Variants in BACH2 observed in about 807,000 individuals in gnomAD.
BACH2 encodes the protein BACH transcriptional regulator 2.
Under a neutral mutation model 61.8 loss-of-function variants are expected in BACH2, and 5 were observed. That is an observed-to-expected ratio of 0.08 (90% CI 0.04 to 0.17). The LOEUF (loss-of-function observed/expected upper bound fraction) is 0.17. BACH2 is among the 10% of genes least tolerant of loss of function. The pLI, the probability that BACH2 is intolerant of heterozygous loss-of-function variation, is 1.00. For synonymous variants in BACH2, 446 were observed against 440.1 expected, an observed-to-expected ratio of 1.01 and a Z score of -0.17; for missense variants, 824 against 1,091.1, an observed-to-expected ratio of 0.76 and a Z score of 3.45.
chr6:89,979,339 G>T (rs1775829300), intron 6 of BACH2, among the ~76,000 whole-genome samples: 1 of 152,108 alleles, frequency 6.6e-6, no homozygotes, highest in Admixed American at 6.5e-5. Flanking sequence ...TATTGTGTTG[G>T]CCTGGATATA....
At chr6:90,192,483 G>T (rs558006104) in intron 4 of BACH2, among the ~76,000 whole-genome samples, 1 of 152,192 alleles carries the variant, frequency 6.6e-6, no homozygotes, top group East Asian at 1.9e-4. Context: ...GATAGGAGAG[G>T]CAAGACTTCT....
chr6:89,929,103 T>C lies in BACH2; in HGVS notation c.*3305A>G, dbSNP rs199901193. ...GGATGTTCATTAGTCTCAGGGTCAC[T>C]CACCTCCACTGGCTCTGCCCCAACA... On this transcript the variant is annotated 3_prime_UTR_variant, in exon 9 of 9. Transcript: ENST00000257749. 1 of 89,698 alleles carries C rather than the reference T, an allele frequency of 1.1e-5. No homozygotes were observed. Among genetic ancestry groups the C allele is most frequent in the Admixed American group, 1.3e-4 (1 of 7,896 alleles). The allele number at this position is 89,698 out of a possible 1,614,324, so 5.6% of individuals were successfully genotyped here.
chr6:90,276,734 A>G (rs1223296565), intron 1 of BACH2, among the ~76,000 whole-genome samples: 7 of 152,140 alleles, frequency 4.6e-5, no homozygotes, highest in Admixed American at 4.6e-4. Flanking sequence ...ATTTCCTAGT[A>G]AATACACTCC....
chr6:90,037,956 G>T (rs1230103699), intron 5 of BACH2, among the ~76,000 whole-genome samples: 1 of 152,144 alleles, frequency 6.6e-6, no homozygotes, highest in Non-Finnish European at 1.5e-5. Flanking sequence ...AAGATGAATG[G>T]TCAGCACCAG....
chr6:90,116,750 G>A (rs1783417431), intron 4 of BACH2: 1 of 441,174 alleles, frequency 2.3e-6, no homozygotes, highest in East Asian at 5.6e-5. Flanking sequence ...TACCACATAA[G>A]TCTTCTTGGT....
At chr6:90,205,190 G>A (rs1769102799) in intron 4 of BACH2, among the ~76,000 whole-genome samples, 1 of 152,180 alleles carries the variant, frequency 6.6e-6, no homozygotes, top group Non-Finnish European at 1.5e-5. Context: ...ACAGGGAAAT[G>A]GGCTTTCTAA....
At chr6:89,960,176 C>T (rs948924319) in intron 6 of BACH2, among the ~76,000 whole-genome samples, 2 of 152,194 alleles carry the variant, frequency 1.3e-5, no homozygotes, top group African/African-American at 2.4e-5. Context: ...TCTGTTCTTC[C>T]AGTTTTCCAA....
At chr6:90,100,066 A>C (rs915305148) in intron 4 of BACH2, among the ~76,000 whole-genome samples, 1 of 152,086 alleles carries the variant, frequency 6.6e-6, no homozygotes, top group African/African-American at 2.4e-5. Flanking sequence ...TCACTTTACC[A>C]TATTTTCAGG....
chr6:90,002,190 C>A (rs1777168530), intron 6 of BACH2, among the ~76,000 whole-genome samples: 1 of 152,180 alleles, frequency 6.6e-6, no homozygotes, highest in East Asian at 1.9e-4. Flanking sequence ...TTTCCTCCCA[C>A]CTCAGGCTTG....
At chr6:90,130,679 G>A (rs1356225293) in intron 4 of BACH2, among the ~76,000 whole-genome samples, 4 of 152,174 alleles carry the variant, frequency 2.6e-5, no homozygotes, top group African/African-American at 9.7e-5. Context: ...ATTGTGAACA[G>A]CTGGTACAGG....
intron 2 of BACH2, among the ~76,000 whole-genome samples, chr6:90,253,072 C>T (rs1383345291): frequency 6.6e-6 from 1 of 152,108 alleles, no homozygotes. Flanking sequence ...TGGCAAAACT[C>T]GTCTCTACAA....
chr6:90,064,447 T>C lies in BACH2; in HGVS notation c.-13+24514A>G, dbSNP rs1481162389. On this transcript the variant is annotated intron_variant, in intron 5 of 8. Transcript: ENST00000257749. ...GAAGCGGTCCAGACAAGAAGGAGCA[T>C]GGGGACCATGATGGGCTGCTTGCTC... Among the ~76,000 whole-genome samples, 3 of 152,180 alleles carry C rather than the reference T, an allele frequency of 2.0e-5. No individual in the cohort carries two copies. The East Asian group carries it at 5.8e-4, about 29-fold the overall frequency.
intron 3 of BACH2, among the ~76,000 whole-genome samples, chr6:90,241,948 T>A (rs938471841): frequency 2.0e-5 from 3 of 151,478 alleles, no homozygotes; most frequent in South Asian, 4.2e-4. Flanking sequence ...TTTTTTTTTT[T>A]ATTAGTAGAC....
intron 4 of BACH2, among the ~76,000 whole-genome samples, chr6:90,157,933 T>C (rs915100068): frequency 1.3e-5 from 2 of 152,128 alleles, no homozygotes; most frequent in Non-Finnish European, 2.9e-5. Flanking sequence ...GAAATAATTA[T>C]ACAAATAAAG....
chr6:90,261,754 G>A (rs904885716), intron 2 of BACH2, among the ~76,000 whole-genome samples: 2 of 151,790 alleles, frequency 1.3e-5, no homozygotes, highest in African/African-American at 2.4e-5. Flanking sequence ...CATTAATATC[G>A]CCCCTTGATC....
At chr6:90,030,208 A>G (rs1778889940) in intron 5 of BACH2, among the ~76,000 whole-genome samples, 1 of 152,124 alleles carries the variant, frequency 6.6e-6, no homozygotes, top group Non-Finnish European at 1.5e-5. Flanking sequence ...CAGAGGACCA[A>G]TTATGCCCTT....
chr6:89,969,855 A>G (rs1371637174), intron 6 of BACH2, among the ~76,000 whole-genome samples: 1 of 152,172 alleles, frequency 6.6e-6, no homozygotes, highest in African/African-American at 2.4e-5. Flanking sequence ...GTGAGAAAAG[A>G]CTGCAAGCTG....
chr6:90,160,801 G>T lies in BACH2; in HGVS notation c.-162+45768C>A, dbSNP rs114334204. 8.6e-3 allele frequency among the ~76,000 whole-genome samples: 1,308 copies of T among 152,224 alleles called. 22 individuals carry two copies. Among genetic ancestry groups the T allele is most frequent in the African/African-American group, 0.029 (1,212 of 41,538 alleles). ...AAACCACTTATGGTCTTTATGAAAG[G>T]ATTTTTGGGCCAGGCACGGTGGCTC... On this transcript the variant is annotated intron_variant, in intron 4 of 8. Coordinates refer to ENST00000257749, the MANE Select transcript of BACH2 (RefSeq NM_021813.4).
chr6:90,224,760 AC>A lies in BACH2; in HGVS notation c.-274-18080del, dbSNP rs147717351. 7.5e-3 allele frequency among the ~76,000 whole-genome samples: 1,144 copies of A among 152,278 alleles called. 14 individuals are homozygous for A. The highest frequency in any genetic ancestry group is 0.026 in the African/African-American group (1,075 of 41,542). On this transcript the variant is annotated intron_variant, in intron 3 of 8. Transcript: ENST00000257749. ...GAGTTTGAAGATCACTGGCTTAGGG[AC>A]TTTGAGGTTAAAATGTAAATGGAAG...
Sources: allele counts gnomAD v4.1 joint callset (sites outside exome capture counted in the v4.1 genomes callset), GRCh38; gene constraint gnomAD v4.1.1; transcripts MANE v1.5; gene names NCBI Gene and HGNC (gene_info 2026-07-23, HGNC 2026-07-21).